The following ABCB1 variants were observed in gnomAD, a reference collection of about 807,000 sequenced individuals.
ABCB1 encodes the protein ATP binding cassette subfamily B member 1, also known as ATP-dependent translocase ABCB1.
A neutral mutation model predicts 142.0 loss-of-function variants in ABCB1; 69 were observed. The observed-to-expected ratio is 0.49, with a 90% confidence interval of 0.40 to 0.59. The LOEUF (loss-of-function observed/expected upper bound fraction) is 0.59. Among genes scored for constraint, ABCB1 ranks in the 20% least tolerant of loss-of-function variants. The pLI is 0.00. For synonymous variants in ABCB1, 532 were observed against 539.2 expected (o/e 0.99, Z 0.18); for missense variants, 1,326 against 1,554.7 (o/e 0.85, Z 2.47).
intron 4 of ABCB1, among the ~76,000 whole-genome samples, chr7:87,570,849 C>T (rs372863169): frequency 1.1e-4 from 17 of 152,122 alleles, no homozygotes; most frequent in African/African-American, 2.6e-4. Context: ...ATTTTATGTA[C>T]GCATGTATAT....
chr7:87,533,426 G>A (rs1178575059), intron 20 of ABCB1, among the ~76,000 whole-genome samples: 21 of 152,102 alleles, frequency 1.4e-4, no homozygotes, highest in Admixed American at 1.4e-3. Context: ...AGTAGTGAAG[G>A]GCCACAGAAA....
intron 17 of ABCB1, among the ~76,000 whole-genome samples, chr7:87,542,844 T>C (rs1009810788): frequency 6.6e-6 from 1 of 152,186 alleles, no homozygotes; most frequent in Non-Finnish European, 1.5e-5. Flanking sequence ...AGGTCAGAGT[T>C]GAGTATCTGC....
At chr7:87,592,722 T>C (rs1167483805) in intron 3 of ABCB1, among the ~76,000 whole-genome samples, 4 of 152,090 alleles carry the variant, frequency 2.6e-5, no homozygotes, top group African/African-American at 9.7e-5. Flanking sequence ...TAACACAAGT[T>C]CCTAAATTGC....
At chr7:87,662,214 T>C (rs1824781010) in intron 1 of ABCB1, among the ~76,000 whole-genome samples, 1 of 152,190 alleles carries the variant, frequency 6.6e-6, no homozygotes, top group Non-Finnish European at 1.5e-5. Flanking sequence ...CTCTTCACTT[T>C]GTTGATTGTT....
intron 1 of ABCB1, among the ~76,000 whole-genome samples, chr7:87,615,426 G>A (rs1377300860): frequency 1.3e-5 from 2 of 152,242 alleles, no homozygotes; most frequent in Non-Finnish European, 2.9e-5. Context: ...TGCAGGATGT[G>A]TAGGCTATCT....
intron 1 of ABCB1, among the ~76,000 whole-genome samples, chr7:87,667,726 G>T (rs948246715): frequency 6.6e-6 from 1 of 152,046 alleles, no homozygotes; most frequent in Non-Finnish European, 1.5e-5. Context: ...GGCCTTTTCT[G>T]TGTCTATTGA....
rs539505009 is a variant in ABCB1 at position 87,662,400 on chromosome 7, A to T, written c.-331+50761T>A. Among the ~76,000 whole-genome samples, 5 of 151,984 alleles carry T rather than the reference A, an allele frequency of 3.3e-5. No individual in the cohort carries two copies. The South Asian group carries it at 8.3e-4, about 25-fold the overall frequency. On this transcript the variant is annotated intron_variant, in intron 1 of 28. Transcript: ENST00000265724. ...ACACTTTCAGGTTTTAGATTTCAGTATTTAATCCATTTTGATTTGATTTTT... is the reference window on the plus strand; with the variant it reads ...ACACTTTCAGGTTTTAGATTTCAGTTTTTAATCCATTTTGATTTGATTTTT...
chr7:87,583,942 C>T (rs1202186), intron 4 of ABCB1, among the ~76,000 whole-genome samples: 106,211 of 151,988 alleles, frequency 0.7, 37,533 homozygotes, highest in East Asian at 0.98. Context: ...GCTAACGCCA[C>T]AGAATATTGG....
Position 87,504,111 on chromosome 7 carries a change from ACT to A in ABCB1, c.*130_*131del. 7.7e-6 allele frequency: 9 copies of A among 1,167,164 alleles called. No homozygotes were observed. Among genetic ancestry groups the A allele is most frequent in the Non-Finnish European group, 9.9e-6 (8 of 808,406 alleles). 72.3% of individuals were successfully genotyped at this position (1,167,164 alleles called of 1,614,324 possible). ...TCCTTTAATTACGAAGTCTCTGAAGACTCTGAACTTGACTGAGGAAATGTTAA... is the reference window on the plus strand; with the variant it reads ...TCCTTTAATTACGAAGTCTCTGAAGACTGAACTTGACTGAGGAAATGTTAA... On this transcript the variant is annotated 3_prime_UTR_variant, in exon 28 of 28. Coordinates refer to ENST00000622132, the MANE Select transcript of ABCB1 (RefSeq NM_001348946.2).
intron 7 of ABCB1, among the ~76,000 whole-genome samples, chr7:87,561,829 A>G (rs1229035975): frequency 6.6e-6 from 1 of 152,128 alleles, no homozygotes; most frequent in Non-Finnish European, 1.5e-5. Flanking sequence ...CTACAAAAAA[A>G]TTAAAAATTA....
At chr7:87,666,275 G>A (rs1206863075) in intron 1 of ABCB1, among the ~76,000 whole-genome samples, 4 of 152,072 alleles carry the variant, frequency 2.6e-5, no homozygotes, top group Non-Finnish European at 1.5e-5. Flanking sequence ...CTTGTGGGCC[G>A]TGTGTATGCT....
At chr7:87,519,808 G>A (rs968479330) in intron 22 of ABCB1, among the ~76,000 whole-genome samples, 36 of 152,180 alleles carry the variant, frequency 2.4e-4, no homozygotes, top group African/African-American at 8.7e-4. Context: ...CAGTATGGAA[G>A]TACTCTACGT....
At chr7:87,635,668 T>C (rs914089501) in intron 1 of ABCB1, among the ~76,000 whole-genome samples, 16 of 152,208 alleles carry the variant, frequency 1.1e-4, no homozygotes, top group African/African-American at 3.4e-4. Flanking sequence ...GTAGCATAAC[T>C]ATGCAGCTCA....
chr7:87,600,592 G>A (rs181581445), intron 1 of ABCB1, among the ~76,000 whole-genome samples, 163 bp downstream of exon 1: 3 of 152,322 alleles, frequency 2.0e-5, no homozygotes, highest in Non-Finnish European at 1.5e-5. Flanking sequence ...AGGAGCTCCT[G>A]AGTCTAGATC....
At chr7:87,673,255 T>C (rs1415897956) in intron 1 of ABCB1, among the ~76,000 whole-genome samples, 2 of 152,214 alleles carry the variant, frequency 1.3e-5, no homozygotes, top group Non-Finnish European at 2.9e-5. Flanking sequence ...TGAATTTGAA[T>C]GTTGACTTCT....
intron 1 of ABCB1, among the ~76,000 whole-genome samples, chr7:87,667,183 C>T (rs1825341354): frequency 6.6e-6 from 1 of 152,008 alleles, no homozygotes; most frequent in Non-Finnish European, 1.5e-5. Flanking sequence ...TTGTAATTCT[C>T]ATTGTAGAGA....
chr7:87,638,345 T>TTGTGTGTGTGTGTGTGTGTG (rs71524692), intron 1 of ABCB1, among the ~76,000 whole-genome samples: 11 of 144,786 alleles, frequency 7.6e-5, no homozygotes, highest in African/African-American at 2.5e-4. Context: ...AAGTATGTGT[T>TTGTGTGTGTGTGTGTGTGTG]TGTGTGTGTG....
chr7:87,659,599 CAA>C (rs1280848935), intron 1 of ABCB1, among the ~76,000 whole-genome samples: 3 of 152,072 alleles, frequency 2.0e-5, no homozygotes, highest in African/African-American at 7.2e-5. Context: ...TTAGAACACT[CAA>C]GAGGAGAAGG....
intron 25 of ABCB1, 70 bp downstream of exon 25, chr7:87,515,161 G>T: frequency 1.3e-6 from 2 of 1,571,762 alleles, no homozygotes; most frequent in South Asian, 1.1e-5. Context: ...GCTTATAGTT[G>T]AGAATTAAAT....
Sources: gnomAD v4.1 joint callset for allele counts (sites outside exome capture counted in the v4.1 genomes callset) on GRCh38, gnomAD v4.1.1 for gene constraint, MANE v1.5 for transcripts, NCBI Gene and HGNC (gene_info 2026-07-23, HGNC 2026-07-21) for gene names.